Variants in SLC12A3 observed in about 807,000 individuals in gnomAD.
The protein encoded by SLC12A3 is Na-Cl cotransporter.
In SLC12A3, 104 loss-of-function variants were observed where a neutral mutation model predicts 121.0. The observed-to-expected ratio is 0.86, with a 90% CI of 0.73 to 1.01. The LOEUF (loss-of-function observed/expected upper bound fraction) is 1.01, where lower values mean the gene tolerates loss of function less well. SLC12A3 is among the 50% of genes least tolerant of loss of function. The pLI, the probability that SLC12A3 is intolerant of heterozygous loss-of-function variation, is 0.00. For synonymous variants in SLC12A3, 536 were observed against 533.4 expected (o/e 1.00, Z -0.07); for missense variants, 1,328 against 1,356.3 (o/e 0.98, Z 0.33).
chr16:56,905,094 C>A (rs1448734798), intron 25 of SLC12A3, among the ~76,000 whole-genome samples: 1 of 152,146 alleles, frequency 6.6e-6, no homozygotes, highest in African/African-American at 2.4e-5. Context: ...AATCCCAGCA[C>A]TTTGGGAGGC....
Position 56,884,172 on chromosome 16 carries a change from T to C in SLC12A3, c.1793T>C (p.Phe598Ser). ...AALIAIGVVL[F>S]LLLYVIYKKP... ...CTCATCGCCATTGGCGTGGTGCTCT[T>C]CCTCCTGCTCTATGTCATCTACAAG... The change falls in exon 14 of 26, where the codon TTC (phenylalanine) becomes TCC (serine). Residue 598 changes from phenylalanine to serine, a missense_variant. Physicochemically the swap from Phe to Ser is radical, Grantham distance 155. Transcript: ENST00000563236. 6.2e-7 allele frequency: 1 copy of C among 1,614,158 alleles called. No homozygotes were observed. Among genetic ancestry groups the C allele is most frequent in the Non-Finnish European group, 8.5e-7 (1 of 1,180,012 alleles).
chr16:56,879,121 C>A lies in SLC12A3; in HGVS notation c.1229C>A (p.Thr410Asn), dbSNP rs886052157. The change falls in exon 10 of 26, where the codon ACC becomes AAC. Residue 410 changes from threonine to asparagine, a missense_variant. Transcript: ENST00000563236. ...DASGVLNDTV[T>N]PGWGACEGLA... is the part of the protein sequence containing the mutation. ...TCTGGGGTCCTGAATGACACAGTGA[C>A]CCCTGGCTGGGGTGCCTGCGAGGGG... 3 of 1,613,752 alleles carry A rather than the reference C, an allele frequency of 1.9e-6. No individual in the cohort carries two copies. The highest frequency in any genetic ancestry group is 2.5e-6 in the Non-Finnish European group (3 of 1,179,938).
chr16:56,886,158 A>G lies in SLC12A3; in HGVS notation c.1926-206A>G, dbSNP rs1377381116. ...TTTTGTGGCCTGAGCAGGAAGGACCAGGGAGACTAGTGTGGAGGTCACCAA... is the reference window on the plus strand; with the variant it reads ...TTTTGTGGCCTGAGCAGGAAGGACCGGGGAGACTAGTGTGGAGGTCACCAA... On this transcript the variant is annotated intron_variant, in intron 15 of 25. Transcript: ENST00000563236. 3.3e-5 allele frequency among the ~76,000 whole-genome samples: 5 copies of G among 152,202 alleles called. No homozygotes were observed. The South Asian group carries it at 8.3e-4, about 25-fold the overall frequency.
chr16:56,915,747 A>G lies in SLC12A3; in HGVS notation c.*2342A>G, dbSNP rs1662840829. On this transcript the variant is annotated 3_prime_UTR_variant, in exon 26 of 26. Coordinates refer to ENST00000563236, the MANE Select transcript of SLC12A3 (RefSeq NM_001126108.2). ...AAATTTTCACGATGTCAGAAATAGT[A>G]TGTTTTTAACAATAGTAATAGCTTT... The G allele has an allele frequency of 6.6e-6, 1 of 152,232 alleles. No individual in the cohort carries two copies. Among genetic ancestry groups the G allele is most frequent in the Non-Finnish European group, 1.5e-5 (1 of 68,040 alleles). 9.4% of individuals were successfully genotyped at this position (152,232 alleles called of 1,614,324 possible).
Position 56,890,295 on chromosome 16 carries a change from T to A in SLC12A3, c.2307T>A (p.Tyr769Ter). Residue 769 changes from tyrosine to a stop codon, truncating the protein, a stop_gained, in exon 19 of 26, where the codon TAT becomes TAA. Transcript: ENST00000563236. LOFTEE classifies it high-confidence loss of function. ...CCAGTGATGCCTTTGATTTCAACTA[T>A]GGCGTGTGTGTCATGAGGATGCGGG... ...GILHDAFDFN[Y>*]GVCVMRMREG... The A allele has an allele frequency of 6.2e-7, 1 of 1,614,146 alleles. No homozygotes were observed. The highest frequency in any genetic ancestry group is 8.5e-7 in the Non-Finnish European group (1 of 1,180,002).
chr16:56,892,830 T>G lies in SLC12A3; in HGVS notation c.2420-123T>G. 3 of 749,560 alleles carry G rather than the reference T, an allele frequency of 4.0e-6. No individual in the cohort carries two copies. In the South Asian group the frequency reaches 4.5e-5, roughly 11 times the overall value. 46.4% of individuals were successfully genotyped at this position (749,560 alleles called of 1,614,324 possible). A position where few individuals can be genotyped will look rare whatever the true frequency, so the allele number is the denominator to read the frequency against. On this transcript the variant is annotated intron_variant, in intron 20 of 25. Coordinates refer to ENST00000563236, the MANE Select transcript of SLC12A3 (RefSeq NM_001126108.2). ...AGCACTGAGCGTCCTGGGCCCCGGT[T>G]CCTGTTCCACCTGCCAGAGAACCCG...
At chr16:56,891,243 G>A (rs1403639331) in intron 19 of SLC12A3, among the ~76,000 whole-genome samples, 1 of 151,724 alleles carries the variant, frequency 6.6e-6, no homozygotes, top group African/African-American at 2.4e-5. Context: ...GTGGTGGCAC[G>A]TGTCTGGAGT....
At chr16:56,890,226 C>G in intron 18 of SLC12A3, 48 bp from the exon 19 acceptor site, 2 of 1,496,010 alleles carry the variant, frequency 1.3e-6, no homozygotes, top group Non-Finnish European at 1.9e-6. Context: ...GGTCACCTCC[C>G]CAGTGGGAGC....
intron 22 of SLC12A3, 80 bp from the exon 23 acceptor site, chr16:56,899,450 C>T: frequency 9.3e-7 from 1 of 1,078,380 alleles, no homozygotes; most frequent in Non-Finnish European, 1.4e-6. Context: ...GATTGCACCA[C>T]TGCACTCCAG....
At chr16:56,913,233 C>G (rs764624010) in intron 25 of SLC12A3, 31 bp from the exon 26 acceptor site, 1 of 1,614,012 alleles carries the variant, frequency 6.2e-7, no homozygotes, top group Non-Finnish European at 8.5e-7. Flanking sequence ...CCGTGGTAAT[C>G]TCTCTTCTAC....
At chr16:56,871,753 C>T (rs1468629824) in intron 6 of SLC12A3, among the ~76,000 whole-genome samples, 4 of 152,126 alleles carry the variant, frequency 2.6e-5, no homozygotes, top group Non-Finnish European at 5.9e-5. Context: ...GATGGAGTCT[C>T]GTTCTGTCAC....
chr16:56,884,071 C>T lies in SLC12A3; in HGVS notation c.1692C>T (p.Tyr564=), dbSNP rs1397797539. The change falls in exon 14 of 26, where the codon TAC becomes TAT. Residue 564 remains tyrosine (Y), a synonymous_variant. Transcript: ENST00000563236. The part of the protein sequence containing the change: ...NSPGWRPSFQ[Y]YNKWAALFGA... The stretch of plus-strand genomic sequence containing the variant: ...CAGGGTGGAGACCTTCATTCCAATA[C>T]TACAACAAGTGGGCGGCGCTGTTTG... The T allele has an allele frequency of 1.9e-6, 3 of 1,614,210 alleles. No individual in the cohort carries two copies. Among genetic ancestry groups the T allele is most frequent in the South Asian group, 2.2e-5 (2 of 91,072 alleles).
chr16:56,867,800 C>G (rs1265559680), intron 2 of SLC12A3, among the ~76,000 whole-genome samples: 1 of 152,232 alleles, frequency 6.6e-6, no homozygotes, highest in Non-Finnish European at 1.5e-5. Context: ...AGCGACCACA[C>G]CAGCCCCTCC....
chr16:56,915,638 T>C lies in SLC12A3; in HGVS notation c.*2233T>C, dbSNP rs563029104. On this transcript the variant is annotated 3_prime_UTR_variant, in exon 26 of 26. Transcript: ENST00000563236. The stretch of plus-strand genomic sequence containing the variant: ...GAATGCTGGCCTTTCTAGAGCCACG[T>C]AGAAAACAATTTTCTGGTTCTTCAA... The C allele has an allele frequency of 6.6e-6, 1 of 152,340 alleles. No homozygotes were observed. The highest frequency in any genetic ancestry group is 2.1e-4 in the South Asian group (1 of 4,834). 9.4% of individuals were successfully genotyped at this position (152,340 alleles called of 1,614,324 possible).
chr16:56,902,355 C>T lies in SLC12A3; in HGVS notation c.2721-18C>T, dbSNP rs1231402268. ...GGTTATCGTCTCAGCCGGCCTCAAC[C>T]CACTTTCTCGTCCCCAGCACCAAGA... is the stretch of plus-strand genomic sequence containing the variant. On this transcript the variant is annotated intron_variant, in intron 23 of 25. Transcript: ENST00000563236. The T allele has an allele frequency of 1.2e-6, 2 of 1,614,072 alleles. No individual in the cohort carries two copies. The highest frequency in any genetic ancestry group is 1.7e-6 in the Non-Finnish European group (2 of 1,179,988).
chr16:56,884,142 C>T lies in SLC12A3; in HGVS notation c.1763C>T (p.Ala588Val), dbSNP rs121909382. The change falls in exon 14 of 26, where the codon GCG becomes GTG. Residue 588 changes from alanine to valine, a missense_variant. Ala to Val is a moderately conservative substitution (Grantham distance 64). Coordinates refer to ENST00000563236, the MANE Select transcript of SLC12A3 (RefSeq NM_001126108.2). ...VVIMFLLTWW[A>V]ALIAIGVVLF... ...ATCATGTTCCTCCTCACCTGGTGGG[C>T]GGCCCTCATCGCCATTGGCGTGGTG... The T allele has an allele frequency of 2.5e-5, 40 of 1,614,074 alleles. No individual in the cohort carries two copies. Among genetic ancestry groups the T allele is most frequent in the Middle Eastern group, 1.6e-4 (1 of 6,084 alleles).
chr16:56,914,863 C>G lies in SLC12A3; in HGVS notation c.*1458C>G, dbSNP rs1421159040. 6.6e-6 allele frequency: 1 copy of G among 151,974 alleles called. No homozygotes were observed. The highest frequency in any genetic ancestry group is 1.5e-5 in the Non-Finnish European group (1 of 68,042). 9.4% of individuals were successfully genotyped at this position (151,974 alleles called of 1,614,324 possible). A position where few individuals can be genotyped will look rare whatever the true frequency, so the allele number is the denominator to read the frequency against. On this transcript the variant is annotated 3_prime_UTR_variant, in exon 26 of 26. Transcript: ENST00000563236. ...TAGGCAGGAGCAGGTCCAAGCCAAGCCTAGCCCAAGACCAGGTGAAAGGAG... is the reference window on the plus strand; with the variant it reads ...TAGGCAGGAGCAGGTCCAAGCCAAGGCTAGCCCAAGACCAGGTGAAAGGAG...
intron 25 of SLC12A3, among the ~76,000 whole-genome samples, chr16:56,910,269 T>G (rs778981833): frequency 1.3e-4 from 19 of 145,094 alleles, no homozygotes; most frequent in Admixed American, 2.8e-4. Context: ...TTTGTTTTTT[T>G]TTGTTGTTGT....
chr16:56,872,273 G>A, intron 6 of SLC12A3, 78 bp from the exon 7 acceptor site: 1 of 973,738 alleles, frequency 1.0e-6, no homozygotes, highest in Non-Finnish European at 1.6e-6. Flanking sequence ...CGGGCCCTGG[G>A]CAAATCATTT....
Sources: gnomAD v4.1 joint callset for allele counts (sites outside exome capture counted in the v4.1 genomes callset) on GRCh38, gnomAD v4.1.1 for gene constraint, MANE v1.5 for transcripts, NCBI Gene and HGNC (gene_info 2026-07-23, HGNC 2026-07-21) for gene names.